Variants in INVS observed in about 807,000 individuals in gnomAD.
INVS encodes inversion of embryo turning homolog.
INVS carries 86 observed loss-of-function variants against 108.8 expected under a neutral mutation model. The ratio of observed to expected loss-of-function variants is 0.79; its 90% confidence interval spans 0.66 to 0.95. INVS has a LOEUF of 0.95. INVS is among the 40% of genes least tolerant of loss of function. The pLI, the probability that INVS is intolerant of heterozygous loss-of-function variation, is 0.00. For missense variants in INVS, 1,169 were observed against 1,297.4 expected, an observed-to-expected ratio of 0.90 and a Z score of 1.52; for synonymous variants, 455 against 473.5, an observed-to-expected ratio of 0.96 and a Z score of 0.51.
chr9:100,201,008 T>A (rs1384969600), intron 3 of INVS, among the ~76,000 whole-genome samples: 1 of 152,230 alleles, frequency 6.6e-6, no homozygotes, highest in Non-Finnish European at 1.5e-5. Flanking sequence ...AAGACAATAC[T>A]GTCAAGCAGT....
At chr9:100,225,827 T>C (rs1831299783) in intron 3 of INVS, among the ~76,000 whole-genome samples, 1 of 152,130 alleles carries the variant, frequency 6.6e-6, no homozygotes, top group African/African-American at 2.4e-5. Flanking sequence ...TTATTTGCAA[T>C]AAAATATTGG....
At chr9:100,116,526 A>T (rs1269861444) in intron 2 of INVS, among the ~76,000 whole-genome samples, 6 of 151,946 alleles carry the variant, frequency 3.9e-5, no homozygotes, top group Admixed American at 2.0e-4. Flanking sequence ...CTTTTTAAAA[A>T]TTTTTCTTAA....
chr9:100,260,261 C>T (rs1264075755), intron 10 of INVS, among the ~76,000 whole-genome samples: 1 of 147,466 alleles, frequency 6.8e-6, no homozygotes. Context: ...ACAACCTCGG[C>T]TTACTGCAAC....
intron 3 of INVS, among the ~76,000 whole-genome samples, chr9:100,212,684 A>T (rs1830868978): frequency 2.0e-5 from 3 of 151,970 alleles, no homozygotes; most frequent in Admixed American, 2.0e-4. Flanking sequence ...TATTTCACTG[A>T]TCTCTTCCCT....
intron 1 of INVS, chr9:100,101,941 T>G (rs1342471373): frequency 6.6e-6 from 1 of 152,196 alleles, no homozygotes; most frequent in African/African-American, 2.4e-5. Flanking sequence ...CTTAAGGGTT[T>G]AGGAAGGATG....
At chr9:100,103,252 C>G (rs1427773257) in intron 1 of INVS, among the ~76,000 whole-genome samples, 2 of 152,212 alleles carry the variant, frequency 1.3e-5, no homozygotes, top group African/African-American at 2.4e-5. Flanking sequence ...CCCTGTTTCT[C>G]AGGTTCAAGT....
chr9:100,101,034 T>A (rs1826970320), intron 1 of INVS, among the ~76,000 whole-genome samples: 2 of 106,716 alleles, frequency 1.9e-5, no homozygotes, highest in East Asian at 2.2e-4. Context: ...ATTATATATA[T>A]TATATATGTG....
intron 2 of INVS, among the ~76,000 whole-genome samples, chr9:100,118,651 A>T (rs543404513): frequency 2.0e-5 from 3 of 151,902 alleles, no homozygotes; most frequent in Non-Finnish European, 4.4e-5. Context: ...ATGAATGCCA[A>T]ATTTTTCCAG....
intron 3 of INVS, among the ~76,000 whole-genome samples, chr9:100,143,450 C>T (rs1001529475): frequency 6.6e-6 from 1 of 151,840 alleles, no homozygotes; most frequent in Non-Finnish European, 1.5e-5. Context: ...TGACATTGAG[C>T]AGGGTAAGGG....
intron 14 of INVS, among the ~76,000 whole-genome samples, chr9:100,296,391 C>T (rs1427062885): frequency 6.6e-6 from 1 of 152,226 alleles, no homozygotes; most frequent in East Asian, 1.9e-4. Flanking sequence ...ACCTTTACCA[C>T]TCTAAAGCCC....
chr9:100,284,700 A>C, intron 13 of INVS, 97 bp downstream of exon 13: 1 of 1,287,280 alleles, frequency 7.8e-7, no homozygotes, highest in East Asian at 2.5e-5. Flanking sequence ...TAATTGTTAT[A>C]TTAGCACCTA....
At chr9:100,138,908 G>T (rs1181694909) in intron 3 of INVS, among the ~76,000 whole-genome samples, 2 of 151,946 alleles carry the variant, frequency 1.3e-5, no homozygotes, top group Non-Finnish European at 2.9e-5. Context: ...GTTTCACCAT[G>T]TTGGTCAGGC....
intron 3 of INVS, among the ~76,000 whole-genome samples, chr9:100,170,137 T>C (rs1588057398): frequency 6.6e-6 from 1 of 152,222 alleles, no homozygotes; most frequent in South Asian, 2.1e-4. Context: ...ACTAGAAATA[T>C]TTAAAATTTC....
chr9:100,208,314 G>C (rs902304394), intron 3 of INVS, among the ~76,000 whole-genome samples: 3 of 152,176 alleles, frequency 2.0e-5, no homozygotes, highest in Admixed American at 2.0e-4. Flanking sequence ...TTTGAAAATG[G>C]ATAATAGTTA....
At chr9:100,180,929 C>T (rs1374753827) in intron 3 of INVS, among the ~76,000 whole-genome samples, 2 of 152,148 alleles carry the variant, frequency 1.3e-5, no homozygotes, top group Non-Finnish European at 2.9e-5. Flanking sequence ...AGCTTATCCA[C>T]CATGATCAAG....
intron 11 of INVS, among the ~76,000 whole-genome samples, chr9:100,271,851 C>G (rs775858469): frequency 6.6e-6 from 1 of 151,488 alleles, no homozygotes; most frequent in Non-Finnish European, 1.5e-5. Flanking sequence ...ATTTGTCAAT[C>G]TTCTTTTATG....
chr9:100,173,391 A>G (rs1172316854), intron 3 of INVS, among the ~76,000 whole-genome samples: 2 of 152,148 alleles, frequency 1.3e-5, no homozygotes, highest in African/African-American at 4.8e-5. Flanking sequence ...TTACTTTTTG[A>G]AGAATCAAAG....
chr9:100,104,569 A>G lies in INVS; in HGVS notation c.48A>G (p.Ser16=), dbSNP rs1827110732. 1.2e-6 allele frequency: 2 copies of G among 1,614,070 alleles called. No homozygotes were observed. Among genetic ancestry groups the G allele is most frequent in the Admixed American group, 3.3e-5 (2 of 60,002 alleles). The change falls in exon 2 of 17, where the codon TCA becomes TCG. Residue 16 remains serine, a synonymous_variant. Coordinates refer to ENST00000262457, the MANE Select transcript of INVS (RefSeq NM_014425.5). ...TGTTTGCTGGTTCATCATTAGCATC[A>G]CAAGTCCATGCTGCTGCCGTTAATG... ...NLLFAGSSLA[S]QVHAAAVNGD... is the part of the protein sequence containing the mutation.
intron 2 of INVS, among the ~76,000 whole-genome samples, chr9:100,113,178 GA>G (rs1332898170): frequency 6.6e-6 from 1 of 152,110 alleles, no homozygotes; most frequent in African/African-American, 2.4e-5. Context: ...AGAATCTTTG[GA>G]ATCTTCTAGA....
Sources: allele counts gnomAD v4.1 joint callset (sites outside exome capture counted in the v4.1 genomes callset), GRCh38; gene constraint gnomAD v4.1.1; transcripts MANE v1.5; gene names NCBI Gene and HGNC (gene_info 2026-07-23, HGNC 2026-07-21).